PPP1R12A: variants seen among roughly 807,000 people sequenced by gnomAD.
PPP1R12A encodes protein phosphatase 1 regulatory subunit 12A.
A neutral mutation model predicts 139.6 loss-of-function variants in PPP1R12A; 19 were observed. That is an observed-to-expected ratio of 0.14 (90% CI 0.09 to 0.20). The LOEUF is 0.20. Ranked by LOEUF, PPP1R12A falls within the 10% of genes least tolerant of loss-of-function variation. The probability of loss-of-function intolerance (pLI) is 1.00; values close to 1 mark genes in which losing one functional copy is unlikely to be tolerated. For synonymous variants in PPP1R12A, 427 were observed against 420.6 expected, an observed-to-expected ratio of 1.02 and a Z score of -0.19; for missense variants, 925 against 1,211.5, an observed-to-expected ratio of 0.76 and a Z score of 3.51.
chr12:79,776,771 TCTA>T (rs907946674), intron 24 of PPP1R12A, among the ~76,000 whole-genome samples: 16 of 152,042 alleles, frequency 1.1e-4, no homozygotes, highest in African/African-American at 3.6e-4. Context: ...AACTGAATAC[TCTA>T]CTAAGGATGA....
intron 1 of PPP1R12A, among the ~76,000 whole-genome samples, chr12:79,898,301 A>G (rs1307437488): frequency 6.6e-6 from 1 of 152,086 alleles, no homozygotes; most frequent in Non-Finnish European, 1.5e-5. Flanking sequence ...ATACAAAAAG[A>G]AAAAATTAGC....
chr12:79,881,786 C>G (rs543128942), intron 1 of PPP1R12A, among the ~76,000 whole-genome samples: 1 of 152,158 alleles, frequency 6.6e-6, no homozygotes, highest in African/African-American at 2.4e-5. Context: ...AAAGTTTCCA[C>G]GGACAGTTTG....
At chr12:79,832,219 AAAG>A (rs1877514560) in intron 4 of PPP1R12A, 110 bp downstream of exon 4, 2 of 1,006,032 alleles carry the variant, frequency 2.0e-6, no homozygotes, top group Non-Finnish European at 2.7e-6. Context: ...AACAGGCATT[AAAG>A]AACTCTTTTA....
intron 6 of PPP1R12A, among the ~76,000 whole-genome samples, chr12:79,821,536 T>A (rs929979171): frequency 2.0e-5 from 3 of 152,122 alleles, no homozygotes; most frequent in African/African-American, 7.2e-5. Context: ...GAGGACTGCC[T>A]GAGCTCAGGA....
At chr12:79,814,186 C>A (rs757281611) in intron 9 of PPP1R12A, among the ~76,000 whole-genome samples, 1 of 152,066 alleles carries the variant, frequency 6.6e-6, no homozygotes, top group African/African-American at 2.4e-5. Context: ...GATAAGAAGA[C>A]TCCCTCTTCG....
intron 1 of PPP1R12A, among the ~76,000 whole-genome samples, chr12:79,898,963 T>C (rs940144494): frequency 3.3e-5 from 5 of 152,136 alleles, no homozygotes; most frequent in African/African-American, 9.7e-5. Context: ...TGCAAACATA[T>C]AGCAAAGTTG....
chr12:79,818,834 T>G (rs893768007), intron 8 of PPP1R12A: 7 of 152,210 alleles, frequency 4.6e-5, no homozygotes, highest in Non-Finnish European at 1.0e-4. Flanking sequence ...AGTTATTTTA[T>G]GTCAAATAGT....
At chr12:79,877,800 GCCA>G (rs887185628) in intron 1 of PPP1R12A, among the ~76,000 whole-genome samples, 6 of 152,128 alleles carry the variant, frequency 3.9e-5, no homozygotes, top group African/African-American at 1.4e-4. Flanking sequence ...ACAGGTGTGA[GCCA>G]CCACACCCGG....
At position 79,791,579 on chromosome 12, in the gene PPP1R12A, C is replaced by T. The variant is rs558810071; in HGVS notation, c.2650-1096G>A. 2.0e-5 allele frequency among the ~76,000 whole-genome samples: 3 copies of T among 152,308 alleles called. No homozygotes were observed. In the East Asian group the frequency reaches 5.8e-4, roughly 29 times the overall value. ...CTGGGCTCAAGCAGTCCTCCCACCT[C>T]AGCCTCCCAGAGTGTTGGGCTTATA... is the stretch of plus-strand genomic sequence containing the variant. On this transcript the variant is annotated intron_variant, in intron 19 of 24. Coordinates refer to ENST00000450142, the MANE Select transcript of PPP1R12A (RefSeq NM_002480.3).
intron 1 of PPP1R12A, among the ~76,000 whole-genome samples, chr12:79,894,430 A>T (rs1477690824): frequency 6.6e-6 from 1 of 152,168 alleles, no homozygotes; most frequent in Non-Finnish European, 1.5e-5. Context: ...TCTTGACCAT[A>T]TAAGGCTTTG....
At chr12:79,893,472 T>C (rs539645645) in intron 1 of PPP1R12A, among the ~76,000 whole-genome samples, 1 of 152,312 alleles carries the variant, frequency 6.6e-6, no homozygotes, top group South Asian at 2.1e-4. Context: ...GAACCCATCT[T>C]AGTTGTTACT....
chr12:79,821,202 C>A, intron 6 of PPP1R12A, 36 bp from the exon 7 acceptor site: 1 of 1,426,592 alleles, frequency 7.0e-7, no homozygotes, highest in South Asian at 1.2e-5. Context: ...AATAAGAAAA[C>A]TATTAAGATA....
chr12:79,794,730 G>T (rs1872300694), intron 18 of PPP1R12A, among the ~76,000 whole-genome samples: 1 of 149,624 alleles, frequency 6.7e-6, no homozygotes, highest in African/African-American at 2.4e-5. Flanking sequence ...CAGTTTAACA[G>T]GAAGACAGAT....
chr12:79,914,888 CAAT>C (rs1284578169), intron 1 of PPP1R12A, among the ~76,000 whole-genome samples: 1 of 151,560 alleles, frequency 6.6e-6, no homozygotes, highest in African/African-American at 2.4e-5. Context: ...TTGTTAGAAA[CAAT>C]AATGAGAAAC....
rs1283370686 is a variant in PPP1R12A, at chr12:79,796,840, A to G, written c.2403T>C (p.Asn801=). 3.1e-6 allele frequency: 5 copies of G among 1,611,632 alleles called. No homozygotes were observed. Among genetic ancestry groups the G allele is most frequent in the African/African-American group, 1.3e-5 (1 of 74,938 alleles). ...LYASSQLNRP[N]SLVGITSAYS... ...AAGCAGAAGTTATGCCTACAAGACT[A>G]TTTGGCCTGTTTAGTTGACTTGAAG... Residue 801 remains asparagine, a synonymous_variant, in exon 17 of 25, where the codon AAT becomes AAC. Coordinates refer to ENST00000450142, the MANE Select transcript of PPP1R12A (RefSeq NM_002480.3).
intron 1 of PPP1R12A, among the ~76,000 whole-genome samples, chr12:79,892,805 TAA>T (rs1369101340): frequency 3.9e-5 from 6 of 152,118 alleles, no homozygotes; most frequent in Admixed American, 2.6e-4. Context: ...TGGCAAATGT[TAA>T]TAAATGCTCT....
intron 1 of PPP1R12A, among the ~76,000 whole-genome samples, chr12:79,887,349 T>G (rs905038075): frequency 1.3e-5 from 2 of 152,268 alleles, no homozygotes; most frequent in Non-Finnish European, 2.9e-5. Context: ...AGAAACTGCC[T>G]TACACATTCC....
At chr12:79,909,506 G>A (rs999510585) in intron 1 of PPP1R12A, among the ~76,000 whole-genome samples, 1 of 152,040 alleles carries the variant, frequency 6.6e-6, no homozygotes, top group Non-Finnish European at 1.5e-5. Flanking sequence ...GGAGGCCAAG[G>A]TGAGCAGATC....
chr12:79,905,041 G>T (rs1885975519), intron 1 of PPP1R12A, among the ~76,000 whole-genome samples: 1 of 152,118 alleles, frequency 6.6e-6, no homozygotes, highest in Non-Finnish European at 1.5e-5. Context: ...ATCAATTCAT[G>T]CATGGCTTGG....
Sources: allele counts gnomAD v4.1 joint callset (sites outside exome capture counted in the v4.1 genomes callset), GRCh38; gene constraint gnomAD v4.1.1; transcripts MANE v1.5; gene names NCBI Gene and HGNC (gene_info 2026-07-23, HGNC 2026-07-21).